IFIH1: variants seen among roughly 807,000 people sequenced by gnomAD.
IFIH1 encodes interferon induced with helicase C domain 1, also known as interferon-induced helicase C domain-containing protein 1.
In IFIH1, 125 loss-of-function variants were observed where a neutral mutation model predicts 107.4. The observed-to-expected ratio is 1.16, with a 90% confidence interval of 1.01 to 1.35. IFIH1 has a LOEUF of 1.35. Among genes scored for constraint, IFIH1 ranks in the 40% most tolerant of loss-of-function variants. The probability of loss-of-function intolerance (pLI) is 0.00; values close to 1 mark genes in which losing one functional copy is unlikely to be tolerated. For synonymous variants in IFIH1, 458 were observed against 413.2 expected, an observed-to-expected ratio of 1.11 and a Z score of -1.31; for missense variants, 1,333 against 1,213.7, an observed-to-expected ratio of 1.10 and a Z score of -1.46.
At chr2:162,295,317 T>C (rs1026400150) in intron 3 of IFIH1, among the ~76,000 whole-genome samples, 4 of 152,032 alleles carry the variant, frequency 2.6e-5, no homozygotes, top group Admixed American at 2.6e-4. Flanking sequence ...CCTTTATGTC[T>C]GTCTTTTAAA....
chr2:162,292,699 C>T (rs550749358), intron 4 of IFIH1, among the ~76,000 whole-genome samples: 1 of 151,854 alleles, frequency 6.6e-6, no homozygotes, highest in African/African-American at 2.4e-5. Context: ...TATCATTTTT[C>T]CAATGCTTCT....
chr2:162,296,043 A>C (rs1487617842), intron 3 of IFIH1, among the ~76,000 whole-genome samples: 1 of 152,068 alleles, frequency 6.6e-6, no homozygotes, highest in Non-Finnish European at 1.5e-5. Flanking sequence ...CAAATATCTA[A>C]AATCTAAGAC....
chr2:162,273,028 C>T (rs763781044), intron 12 of IFIH1, among the ~76,000 whole-genome samples: 1 of 152,190 alleles, frequency 6.6e-6, no homozygotes, highest in African/African-American at 2.4e-5. Context: ...CACTGACTTA[C>T]AAATAGACTC....
At chr2:162,289,832 A>T (rs1199943711) in intron 4 of IFIH1, among the ~76,000 whole-genome samples, 2 of 151,972 alleles carry the variant, frequency 1.3e-5, no homozygotes, top group Non-Finnish European at 2.9e-5. Context: ...AAACTCATTT[A>T]AAATCACCAG....
chr2:162,297,469 C>A (rs926160509), intron 3 of IFIH1, among the ~76,000 whole-genome samples: 1 of 152,078 alleles, frequency 6.6e-6, no homozygotes. Context: ...GCAAATTAAC[C>A]TTCTGTTTTA....
intron 3 of IFIH1, among the ~76,000 whole-genome samples, chr2:162,298,226 A>G (rs77327246): frequency 9.7e-4 from 148 of 152,310 alleles, no homozygotes; most frequent in South Asian, 2.3e-3. Flanking sequence ...TCTTGCTTCT[A>G]TTCCTACCAG....
At chr2:162,280,163 T>C (rs1351465054) in intron 7 of IFIH1, 51 bp from the exon 8 acceptor site, 2 of 972,400 alleles carry the variant, frequency 2.1e-6, no homozygotes, top group East Asian at 2.4e-5. Context: ...TCCCTTTCAC[T>C]TTATTCAACG....
Position 162,278,264 on chromosome 2 carries a change from G to T in IFIH1, c.1706C>A (p.Pro569Gln). ...GGGTTGAGTTCCAAAATCTGACATT[G>T]GACTCATTTGACAATAAGTTTGAAT... The part of the protein sequence containing the change: ...TRIQTYCQMS[P>Q]MSDFGTQPYE... The change falls in exon 9 of 16, where the codon CCA (proline) becomes CAA (glutamine). Residue 569 changes from proline to glutamine, a missense_variant. By Grantham distance (76) the Pro-to-Gln change is moderately conservative (BLOSUM62 -1). Coordinates refer to ENST00000649979, the MANE Select transcript of IFIH1 (RefSeq NM_022168.4). The T allele has an allele frequency of 6.4e-7, 1 of 1,567,782 alleles. No homozygotes were observed. Among genetic ancestry groups the T allele is most frequent in the South Asian group, 1.1e-5 (1 of 88,162 alleles).
intron 3 of IFIH1, among the ~76,000 whole-genome samples, chr2:162,298,732 G>A (rs1202750467): frequency 2.0e-5 from 3 of 151,992 alleles, no homozygotes; most frequent in Non-Finnish European, 2.9e-5. Flanking sequence ...AGAGGAAATA[G>A]ATCACTTTTA....
At chr2:162,286,343 T>C (rs1682893063) in intron 5 of IFIH1, among the ~76,000 whole-genome samples, 2 of 151,934 alleles carry the variant, frequency 1.3e-5, no homozygotes, top group South Asian at 4.1e-4. Flanking sequence ...GAGAAACAGA[T>C]TTGGATGAAT....
At chr2:162,277,047 T>G in intron 10 of IFIH1, 101 bp from the exon 11 acceptor site, 1 of 797,808 alleles carries the variant, frequency 1.3e-6, no homozygotes. Flanking sequence ...ATATACAGTT[T>G]TATTGATTAA....
At chr2:162,270,688 CA>C (rs759547741) in intron 13 of IFIH1, among the ~76,000 whole-genome samples, 8 of 152,060 alleles carry the variant, frequency 5.3e-5, no homozygotes, top group Non-Finnish European at 8.8e-5. Context: ...TGTTGACCCC[CA>C]AAAAACTACT....
In IFIH1 at chr2:162,306,744, G is replaced by A; in HGVS notation, c.734C>T (p.Ser245Leu). 2 of 1,613,866 alleles carry A rather than the reference G, an allele frequency of 1.2e-6. No individual in the cohort carries two copies. Among genetic ancestry groups the A allele is most frequent in the Non-Finnish European group, 1.7e-6 (2 of 1,179,848 alleles). ...AGAAGAATCTGCAAAAGATGATTCT[G>A]ATGAGTTATTCTCCATGCCCCAGAC... ...KEVWGMENNS[S>L]ESSFADSSVV... The change falls in exon 3 of 16, where the codon TCA becomes TTA. Residue 245 changes from serine (S) to leucine (L), a missense_variant. Coordinates refer to ENST00000649979, the MANE Select transcript of IFIH1 (RefSeq NM_022168.4).
At chr2:162,287,292 T>A (rs1355758242) in intron 5 of IFIH1, among the ~76,000 whole-genome samples, 2 of 151,878 alleles carry the variant, frequency 1.3e-5, no homozygotes, top group South Asian at 4.1e-4. Context: ...TGCTTTTTTT[T>A]ATAAAGGAAT....
Position 162,273,879 on chromosome 2 carries a change from T to C in IFIH1, c.2370A>G (p.Thr790=). ...TGKINLLIAT[T]VAEEGLDIKE... ...TAATATCCAGACCTTCTTCTGCCAC[T>C]GTGGTAGCGATAAGCAGATTTATTT... The change falls in exon 12 of 16, where the codon ACA becomes ACG. Residue 790 remains threonine, a synonymous_variant. Transcript: ENST00000649979. The C allele has an allele frequency of 1.2e-6, 2 of 1,610,706 alleles. No individual in the cohort carries two copies. Among genetic ancestry groups the C allele is most frequent in the South Asian group, 1.1e-5 (1 of 90,830 alleles).
chr2:162,285,843 A>G (rs1181909521), intron 5 of IFIH1, among the ~76,000 whole-genome samples: 2 of 151,992 alleles, frequency 1.3e-5, no homozygotes, highest in Admixed American at 6.6e-5. Context: ...AAAGAAATAA[A>G]CCTAAGTATT....
intron 6 of IFIH1, among the ~76,000 whole-genome samples, chr2:162,281,796 A>T (rs970257048): frequency 2.0e-5 from 3 of 152,050 alleles, no homozygotes; most frequent in Admixed American, 6.6e-5. Flanking sequence ...CAGAAAGTTT[A>T]CAGAGCTAAA....
intron 4 of IFIH1, among the ~76,000 whole-genome samples, chr2:162,292,983 G>A (rs1263850473): frequency 1.3e-5 from 2 of 151,772 alleles, no homozygotes; most frequent in African/African-American, 2.4e-5. Context: ...TTAGGAAGAG[G>A]CACTCTCATT....
intron 3 of IFIH1, among the ~76,000 whole-genome samples, chr2:162,305,114 G>T (rs1262417828): frequency 6.6e-6 from 1 of 152,120 alleles, no homozygotes. Flanking sequence ...GAACATAAGA[G>T]AAATGACACT....
Sources: allele counts gnomAD v4.1 joint callset (sites outside exome capture counted in the v4.1 genomes callset), GRCh38; gene constraint gnomAD v4.1.1; transcripts MANE v1.5; gene names NCBI Gene and HGNC (gene_info 2026-07-23, HGNC 2026-07-21).